The following PARP12 variants were observed in gnomAD, a reference collection of about 807,000 sequenced individuals.
The protein encoded by PARP12 is poly(ADP-ribose) polymerase family member 12, also known as protein mono-ADP-ribosyltransferase PARP12.
A neutral mutation model predicts 72.4 loss-of-function variants in PARP12; 59 were observed. That is an observed-to-expected ratio of 0.81 (90% CI 0.66 to 1.01). The LOEUF (loss-of-function observed/expected upper bound fraction) is 1.01, where lower values mean the gene tolerates loss of function less well. PARP12 is among the 50% of genes least tolerant of loss of function. The pLI, the probability that PARP12 is intolerant of heterozygous loss-of-function variation, is 0.00. For synonymous variants in PARP12, 403 were observed against 371.4 expected (o/e 1.09, Z -0.98); for missense variants, 851 against 914.0 (o/e 0.93, Z 0.89).
chr7:140,033,528 TCCC>T (rs1460038413), intron 8 of PARP12: 1 of 985,208 alleles, frequency 1.0e-6, no homozygotes, highest in East Asian at 1.1e-4. Context: ...CAGGCCACCT[TCCC>T]CCAATATGTG....
intron 11 of PARP12, chr7:140,025,352 C>G (rs1325124393): frequency 6.8e-6 from 2 of 294,110 alleles, no homozygotes; most frequent in South Asian, 6.6e-5. Flanking sequence ...GAGTTAGAAG[C>G]TGTCACCTGT....
intron 1 of PARP12, among the ~76,000 whole-genome samples, chr7:140,061,500 G>A (rs897343311): frequency 3.9e-5 from 6 of 152,168 alleles, no homozygotes; most frequent in South Asian, 2.1e-4. Context: ...GAGGGAGCAG[G>A]GGAGGAAGGA....
chr7:140,054,828 G>A, intron 3 of PARP12, 65 bp from the exon 4 acceptor site: 1 of 1,366,640 alleles, frequency 7.3e-7, no homozygotes, highest in Non-Finnish European at 1.0e-6. Context: ...AGTTAAAGAG[G>A]ATTCATTCAG....
intron 5 of PARP12, among the ~76,000 whole-genome samples, 188 bp downstream of exon 5, chr7:140,046,696 T>C (rs1816737233): frequency 1.3e-5 from 2 of 150,436 alleles, no homozygotes; most frequent in Non-Finnish European, 3.0e-5. Context: ...CAGCCCACCT[T>C]CTACCTCCAG....
At chr7:140,040,542 GGCTAT>G (rs1816418715) in intron 6 of PARP12, among the ~76,000 whole-genome samples, 2 of 152,280 alleles carry the variant, frequency 1.3e-5, no homozygotes, top group Admixed American at 1.3e-4. Context: ...CCTGAGGACT[GGCTAT>G]GCATCATTCC....
At position 140,057,899 on chromosome 7, in the gene PARP12, T is replaced by G. The variant is rs1344999206; in HGVS notation, c.462A>C (p.Glu154Asp). ...LFQNDPWLLP[E>D]ICQHYNKGDG... is the part of the protein sequence containing the mutation. Reference sequence around the variant, plus strand: ...AACCCAGACTTCCCCTGGCACTCACTTCTGGCAAAAGCCAGGGGTCGTTCT... The same window carrying G: ...AACCCAGACTTCCCCTGGCACTCACGTCTGGCAAAAGCCAGGGGTCGTTCT... The change falls in exon 2 of 12, where the codon GAA becomes GAC. Residue 154 changes from glutamate (E) to aspartate (D), a missense_variant and splice_region_variant. This residue lies in a region of PARP12 where 492 missense variants were observed against 489.3 expected (regional missense o/e 1.01). Coordinates refer to ENST00000263549, the MANE Select transcript of PARP12 (RefSeq NM_022750.4). The G allele has an allele frequency of 6.2e-7, 1 of 1,614,048 alleles. No homozygotes were observed. The highest frequency in any genetic ancestry group is 2.2e-5 in the East Asian group (1 of 44,888).
intron 4 of PARP12, among the ~76,000 whole-genome samples, chr7:140,048,551 T>TA (rs1356040294): frequency 2.6e-5 from 4 of 152,070 alleles, no homozygotes; most frequent in African/African-American, 7.2e-5. Context: ...GGCAGGAAGA[T>TA]AGAGAACAAG....
intron 7 of PARP12, chr7:140,034,542 G>C (rs1343097413): frequency 2.6e-6 from 1 of 378,478 alleles, no homozygotes. Flanking sequence ...TTAATGAATA[G>C]AGGAATGATT....
chr7:140,025,004 TCTCC>T, intron 11 of PARP12, 119 bp from the exon 12 acceptor site: 49 of 833,284 alleles, frequency 5.9e-5, no homozygotes, highest in Non-Finnish European at 7.4e-5. Flanking sequence ...CCACCCCGCA[TCTCC>T]CTCCCTCCCT....
chr7:140,054,199 G>A (rs2116648396), intron 4 of PARP12, among the ~76,000 whole-genome samples: 1 of 152,228 alleles, frequency 6.6e-6, no homozygotes, highest in Non-Finnish European at 1.5e-5. Context: ...ATTGTTCACT[G>A]GATCAATACA....
intron 5 of PARP12, 37 bp downstream of exon 5, chr7:140,046,847 C>T (rs1019193502): frequency 6.9e-7 from 1 of 1,458,938 alleles, no homozygotes; most frequent in Admixed American, 2.1e-5. Flanking sequence ...ACACAGAAGC[C>T]CAGGCACAAA....
At chr7:140,026,798 C>A (rs1405580800) in intron 10 of PARP12, among the ~76,000 whole-genome samples, 2 of 152,198 alleles carry the variant, frequency 1.3e-5, no homozygotes, top group East Asian at 1.9e-4. Context: ...CCAACCCCAT[C>A]TGGGGACAGG....
chr7:140,049,312 G>A (rs1407578099), intron 4 of PARP12, among the ~76,000 whole-genome samples: 1 of 152,224 alleles, frequency 6.6e-6, no homozygotes, highest in African/African-American at 2.4e-5. Context: ...AACTTGTCCA[G>A]TTTGAACATG....
In PARP12 at chr7:140,035,944, GGAGGAGGACGAGGAGGAGGAGGAGGAC is replaced by G. The variant is rs1569526868; in HGVS notation, c.1325-1640_1325-1614del. 6.8e-5 allele frequency among the ~76,000 whole-genome samples: 8 copies of G among 117,620 alleles called. 1 individual carries two copies. Among genetic ancestry groups the G allele is most frequent in the African/African-American group, 1.2e-4 (3 of 24,528 alleles). The allele number at this position is 117,620 out of a possible 152,430, so 77.2% of individuals were successfully genotyped here. A position where few individuals can be genotyped will look rare whatever the true frequency, so the allele number is the denominator to read the frequency against. ...AGGAGGACAAGGAGGAGGAGGAGGA[GGAGGAGGACGAGGAGGAGGAGGAGGAC>G]GAGGAGGAGGAGGAGGAGGAGGAGG... On this transcript the variant is annotated intron_variant, in intron 7 of 11. Coordinates refer to ENST00000263549, the MANE Select transcript of PARP12 (RefSeq NM_022750.4).
intron 6 of PARP12, 132 bp from the exon 7 acceptor site, chr7:140,037,988 G>A: frequency 6.9e-7 from 1 of 1,456,336 alleles, no homozygotes; most frequent in East Asian, 2.4e-5. Flanking sequence ...GGAGGCCAGG[G>A]AGCATGGTAT....
At chr7:140,052,826 T>C (rs914463031) in intron 4 of PARP12, among the ~76,000 whole-genome samples, 3 of 151,646 alleles carry the variant, frequency 2.0e-5, no homozygotes, top group African/African-American at 4.9e-5. Context: ...ACAGAAAATA[T>C]ACAGATGCCC....
rs376000340 is a variant in PARP12 at position 140,028,601 on chromosome 7, T to C, written c.1497+12A>G. 3 of 1,575,872 alleles carry C rather than the reference T, an allele frequency of 1.9e-6. No individual in the cohort carries two copies. The highest frequency in any genetic ancestry group is 8.6e-7 in the Non-Finnish European group (1 of 1,159,142). ...ACCTTCCTGTCCAGCCCCAGGCGCA[T>C]GCGTCCCCTACCTGAAAGCCTGGGT... is the stretch of plus-strand genomic sequence containing the variant. On this transcript the variant is annotated intron_variant, in intron 9 of 11. Coordinates refer to ENST00000263549, the MANE Select transcript of PARP12 (RefSeq NM_022750.4).
chr7:140,025,769 G>A (rs1316976854), intron 11 of PARP12, among the ~76,000 whole-genome samples: 2 of 152,126 alleles, frequency 1.3e-5, no homozygotes, highest in Non-Finnish European at 2.9e-5. Context: ...AAAAATAACA[G>A]ACAAGAAAAC....
At chr7:140,040,438 A>G (rs1418424326) in intron 6 of PARP12, among the ~76,000 whole-genome samples, 1 of 152,164 alleles carries the variant, frequency 6.6e-6, no homozygotes, top group African/African-American at 2.4e-5. Flanking sequence ...AAGTAGTGCA[A>G]GGCAGCAAGG....
Sources: allele counts gnomAD v4.1 joint callset (sites outside exome capture counted in the v4.1 genomes callset), GRCh38; gene constraint gnomAD v4.1.1; regional missense constraint gnomAD v4.1.1; transcripts MANE v1.5; gene names NCBI Gene and HGNC (gene_info 2026-07-23, HGNC 2026-07-21).